MYO1E: variants seen among roughly 807,000 people sequenced by gnomAD.
MYO1E encodes the protein myosin IE, also known as unconventional myosin-Ie.
Under a neutral mutation model 151.1 loss-of-function variants are expected in MYO1E, and 68 were observed. The ratio of observed to expected loss-of-function variants is 0.45; its 90% CI spans 0.37 to 0.55. The LOEUF is 0.55. Ranked by LOEUF, MYO1E falls within the 20% of genes least tolerant of loss-of-function variation. The probability of loss-of-function intolerance (pLI) is 0.00; values close to 1 mark genes in which losing one functional copy is unlikely to be tolerated. For missense variants in MYO1E, 1,363 were observed against 1,389.3 expected (o/e 0.98, Z 0.30); for synonymous variants, 601 against 501.7 (o/e 1.20, Z -2.64).
chr15:59,195,363 C>T lies in MYO1E; in HGVS notation c.1805+98G>A, dbSNP rs1028376875. 11 of 1,064,278 alleles carry T rather than the reference C, an allele frequency of 1.0e-5. No homozygotes were observed. In the Admixed American group the frequency reaches 1.0e-4, roughly 10 times the overall value. The allele number at this position is 1,064,278 out of a possible 1,614,324, so 65.9% of individuals were successfully genotyped here. ...TGCAAGGGCATGACAAAGACATGTGCGGACAACTGACACTGCTCCTGCCTG... is the reference window on the plus strand; with the variant it reads ...TGCAAGGGCATGACAAAGACATGTGTGGACAACTGACACTGCTCCTGCCTG... On this transcript the variant is annotated intron_variant, in intron 17 of 27. Transcript: ENST00000288235.
rs764257635 is a variant in MYO1E, at chr15:59,153,753, G to T, written c.2917C>A (p.Pro973Thr). The T allele has an allele frequency of 1.8e-5, 29 of 1,614,038 alleles. No homozygotes were observed. The South Asian group carries it at 2.6e-4, about 15-fold the overall frequency. Residue 973 changes from proline (P) to threonine (T), a missense_variant, in exon 26 of 28, where the codon CCA (proline) becomes ACA (threonine). Pro to Thr is a conservative substitution (Grantham distance 38). Transcript: ENST00000288235. ...TGGCTTCCAGGAGCATGGGGATATGGCACATACTGGTTTCTGATGACTCCG... is the reference window on the plus strand; with the variant it reads ...TGGCTTCCAGGAGCATGGGGATATGTCACATACTGGTTTCTGATGACTCCG... The part of the protein sequence containing the change: ...QNGVIRNQYV[P>T]YPHAPGSQRS...
intron 1 of MYO1E, among the ~76,000 whole-genome samples, chr15:59,290,001 C>T (rs1269946653): frequency 6.6e-6 from 1 of 152,226 alleles, no homozygotes; most frequent in African/African-American, 2.4e-5. Flanking sequence ...GAACGGGCAT[C>T]ACTTTTCTTG....
intron 25 of MYO1E, among the ~76,000 whole-genome samples, chr15:59,155,501 T>C (rs1319660617): frequency 2.6e-5 from 4 of 152,172 alleles, no homozygotes; most frequent in African/African-American, 7.2e-5. Context: ...ATTTTTTTGA[T>C]GAAGGAACTG....
intron 1 of MYO1E, among the ~76,000 whole-genome samples, chr15:59,319,305 C>T (rs140492285): frequency 1.3e-5 from 2 of 152,082 alleles, no homozygotes; most frequent in African/African-American, 4.8e-5. Context: ...AGCAAGTCTC[C>T]ATCTGAAAAA....
intron 19 of MYO1E, among the ~76,000 whole-genome samples, chr15:59,175,253 CCTT>C (rs2079617833): frequency 6.6e-6 from 1 of 152,168 alleles, no homozygotes; most frequent in Non-Finnish European, 1.5e-5. Context: ...TAGTAGGAAA[CCTT>C]CTCATTTACC....
chr15:59,345,242 TGA>T (rs1253739012), intron 1 of MYO1E, among the ~76,000 whole-genome samples: 8 of 144,840 alleles, frequency 5.5e-5, no homozygotes, highest in African/African-American at 1.6e-4. Context: ...AGTATTTAAA[TGA>T]GAGAGAGAGA....
At chr15:59,353,398 A>AG (rs369063247) in intron 1 of MYO1E, among the ~76,000 whole-genome samples, 12 of 135,126 alleles carry the variant, frequency 8.9e-5, no homozygotes, top group African/African-American at 3.1e-4. Context: ...AGAAAAGAAA[A>AG]AAAAGAAAAA....
intron 4 of MYO1E, among the ~76,000 whole-genome samples, chr15:59,253,480 A>AG (rs1176917874): frequency 1.2e-5 from 1 of 81,028 alleles, no homozygotes; most frequent in Non-Finnish European, 2.3e-5. Context: ...AGTCTGATCG[A>AG]GTTTTTTTTT....
chr15:59,196,898 T>C (rs1005170832), intron 16 of MYO1E, among the ~76,000 whole-genome samples: 17 of 151,920 alleles, frequency 1.1e-4, no homozygotes, highest in African/African-American at 2.9e-4. Flanking sequence ...GGGTTGAATA[T>C]AGCACAGCTT....
chr15:59,168,914 G>A (rs1756454387), intron 22 of MYO1E, among the ~76,000 whole-genome samples: 1 of 152,108 alleles, frequency 6.6e-6, no homozygotes, highest in Non-Finnish European at 1.5e-5. Flanking sequence ...GGGTCACTGC[G>A]CTCAGCCTTT....
intron 18 of MYO1E, among the ~76,000 whole-genome samples, chr15:59,178,865 A>G (rs998088137): frequency 6.6e-6 from 1 of 152,184 alleles, no homozygotes; most frequent in Non-Finnish European, 1.5e-5. Flanking sequence ...TTAGGCAAAA[A>G]TCAAACGGTC....
In MYO1E at chr15:59,261,517, T is replaced by A. The variant is rs1195966305; in HGVS notation, c.148-8A>T. On this transcript the variant is annotated splice_region_variant and splice_polypyrimidine_tract_variant and intron_variant, in intron 2 of 27. Coordinates refer to ENST00000288235, the MANE Select transcript of MYO1E (RefSeq NM_004998.4). Reference sequence around the variant, plus strand: ...TACAGATCCTATATATGTCTGAATTTAACTCAGTTAAGGTCCATCATTAAT... The same window carrying A: ...TACAGATCCTATATATGTCTGAATTAAACTCAGTTAAGGTCCATCATTAAT... 6.5e-7 allele frequency: 1 copy of A among 1,538,526 alleles called. No homozygotes were observed. The highest frequency in any genetic ancestry group is 9.0e-7 in the Non-Finnish European group (1 of 1,111,706).
intron 26 of MYO1E, among the ~76,000 whole-genome samples, chr15:59,141,650 T>G (rs1869641788): frequency 1.3e-5 from 2 of 151,554 alleles, no homozygotes; most frequent in South Asian, 4.2e-4. Context: ...ATACAGACGG[T>G]AGCTGGGCGT....
chr15:59,199,108 T>C (rs574769350), intron 16 of MYO1E, among the ~76,000 whole-genome samples: 1 of 152,320 alleles, frequency 6.6e-6, no homozygotes, highest in South Asian at 2.1e-4. Context: ...TTATACTTTA[T>C]TTTTTGAGAT....
At chr15:59,239,113 G>A (rs1334478732) in intron 4 of MYO1E, among the ~76,000 whole-genome samples, 1 of 151,388 alleles carries the variant, frequency 6.6e-6, no homozygotes, top group South Asian at 2.1e-4. Context: ...GGCTGAGGCA[G>A]GAGAATCTCT....
chr15:59,219,757 C>A (rs1029732119), intron 9 of MYO1E, among the ~76,000 whole-genome samples: 51 of 152,212 alleles, frequency 3.4e-4, no homozygotes, highest in African/African-American at 1.2e-3. Context: ...TTCCAGTGAA[C>A]TAAACGTGCA....
intron 1 of MYO1E, among the ~76,000 whole-genome samples, chr15:59,333,719 C>A (rs2080711961): frequency 6.6e-6 from 1 of 152,198 alleles, no homozygotes; most frequent in Non-Finnish European, 1.5e-5. Flanking sequence ...TGGCTTTCAG[C>A]TTCTAGTTTT....
At chr15:59,256,960 G>C (rs750766969) in intron 3 of MYO1E, among the ~76,000 whole-genome samples, 1 of 152,160 alleles carries the variant, frequency 6.6e-6, no homozygotes, top group East Asian at 1.9e-4. Flanking sequence ...GGATAAGCTA[G>C]TTTGGCCAGT....
intron 1 of MYO1E, among the ~76,000 whole-genome samples, chr15:59,357,670 A>C (rs190822498): frequency 2.0e-4 from 31 of 151,338 alleles, no homozygotes; most frequent in African/African-American, 7.0e-4. Context: ...GGATGGTCTG[A>C]AACTCCTGAC....
Sources: allele counts gnomAD v4.1 joint callset (sites outside exome capture counted in the v4.1 genomes callset), GRCh38; gene constraint gnomAD v4.1.1; transcripts MANE v1.5; gene names NCBI Gene and HGNC (gene_info 2026-07-23, HGNC 2026-07-21).